CALU: variants seen among roughly 807,000 people sequenced by gnomAD.
CALU encodes IEF SSP 9302.
Under a neutral mutation model 37.5 loss-of-function variants are expected in CALU, and 13 were observed. The ratio of observed to expected loss-of-function variants is 0.35; its 90% CI spans 0.23 to 0.55. The LOEUF is 0.55. Among genes scored for constraint, CALU ranks in the 20% least tolerant of loss-of-function variants. CALU has a pLI of 0.89. For missense variants in CALU, 282 were observed against 391.7 expected (o/e 0.72, Z 2.36); for synonymous variants, 114 against 133.8 (o/e 0.85, Z 1.02).
In CALU at chr7:128,758,864, T is replaced by G. The variant is rs770185905; in HGVS notation, c.416-7T>G. On this transcript the variant is annotated splice_region_variant and splice_polypyrimidine_tract_variant and intron_variant, in intron 3 of 6. Coordinates refer to ENST00000249364, the MANE Select transcript of CALU (RefSeq NM_001219.5). The stretch of plus-strand genomic sequence containing the variant: ...TTTAAGATTTGACCTAAATTTTTGT[T>G]TTCTAGATGATCCAGATCCTGATGA... 4 of 1,601,180 alleles carry G rather than the reference T, an allele frequency of 2.5e-6. No homozygotes were observed. The highest frequency in any genetic ancestry group is 3.5e-5 in the Admixed American group (2 of 57,638).
intron 1 of CALU, among the ~76,000 whole-genome samples, chr7:128,741,688 A>G (rs910414079): frequency 4.6e-5 from 7 of 152,348 alleles, no homozygotes; most frequent in Admixed American, 1.3e-4. Flanking sequence ...TAAAATAACT[A>G]CCAAATTCTC....
At chr7:128,758,774 C>A in intron 3 of CALU, 97 bp from the exon 4 acceptor site, 3 of 845,044 alleles carry the variant, frequency 3.6e-6, no homozygotes, top group South Asian at 1.7e-5. Flanking sequence ...TTCTTCCTTG[C>A]ATGGTTTTAT....
chr7:128,754,796 G>A (rs768063197), intron 3 of CALU: 28 of 834,886 alleles, frequency 3.4e-5, no homozygotes, highest in Non-Finnish European at 5.0e-5. Flanking sequence ...CACAGTAAAG[G>A]AAAGGAAGCT....
At chr7:128,754,771 GAAAC>G in intron 3 of CALU, 1 of 1,162,810 alleles carries the variant, frequency 8.6e-7, no homozygotes, top group East Asian at 2.6e-5. Context: ...TTGAGTCAAA[GAAAC>G]AAATGGGTCA....
intron 3 of CALU, among the ~76,000 whole-genome samples, chr7:128,757,358 AGTGTGTGTGTGTGTGT>A (rs10638444): frequency 1.4e-5 from 2 of 146,092 alleles, no homozygotes; most frequent in Non-Finnish European, 3.0e-5. Flanking sequence ...TATGGCTTTG[AGTGTGTGTGTGTGTGT>A]GTGTGTGTGT....
At chr7:128,742,040 A>G (rs759540116) in intron 1 of CALU, among the ~76,000 whole-genome samples, 14 of 152,162 alleles carry the variant, frequency 9.2e-5, no homozygotes, top group Non-Finnish European at 1.9e-4. Flanking sequence ...CCATCACACA[A>G]TATAATTAGA....
intron 3 of CALU, among the ~76,000 whole-genome samples, chr7:128,755,587 G>A (rs3734977): frequency 0.28 from 42,216 of 152,048 alleles, 6,884 homozygotes; most frequent in Non-Finnish European, 0.38. Flanking sequence ...TGCTTTGCAA[G>A]TGCTTTAAGG....
chr7:128,759,961 C>T (rs1001832911), intron 5 of CALU, 109 bp downstream of exon 5: 5 of 667,420 alleles, frequency 7.5e-6, no homozygotes, highest in East Asian at 2.9e-5. Context: ...ACTGGGAGGC[C>T]GAGGCGGGCA....
intron 5 of CALU, among the ~76,000 whole-genome samples, chr7:128,766,548 C>CCTCT (rs1186473912): frequency 6.6e-6 from 1 of 151,266 alleles, no homozygotes; most frequent in Non-Finnish European, 1.5e-5. Context: ...TTTGCCTCAG[C>CCTCT]CTCTCGAGTA....
At chr7:128,749,116 T>C (rs1800561342) in intron 2 of CALU, among the ~76,000 whole-genome samples, 1 of 152,190 alleles carries the variant, frequency 6.6e-6, no homozygotes, top group Non-Finnish European at 1.5e-5. Context: ...ATTTCTCATC[T>C]CTTCTCATCT....
chr7:128,769,921 A>G lies in CALU; in HGVS notation c.*754A>G, dbSNP rs1254519447. On this transcript the variant is annotated 3_prime_UTR_variant, in exon 7 of 7. Transcript: ENST00000249364. The stretch of plus-strand genomic sequence containing the variant: ...GAATGTGATCTCTTTGCAGAGCTAT[A>G]GATAGAAACAGCTGGAAAACTAAAG... 1 of 152,264 alleles carries G rather than the reference A, an allele frequency of 6.6e-6. No individual in the cohort carries two copies. Among genetic ancestry groups the G allele is most frequent in the Non-Finnish European group, 1.5e-5 (1 of 68,050 alleles). 9.4% of individuals were successfully genotyped at this position (152,264 alleles called of 1,614,324 possible).
chr7:128,768,409 A>G (rs1004149626), intron 6 of CALU, among the ~76,000 whole-genome samples: 3 of 152,198 alleles, frequency 2.0e-5, no homozygotes, highest in African/African-American at 7.2e-5. Context: ...GCATGTAGTC[A>G]TCCCTATCTA....
intron 5 of CALU, among the ~76,000 whole-genome samples, chr7:128,760,705 G>A (rs946251828): frequency 5.3e-5 from 8 of 152,114 alleles, no homozygotes; most frequent in African/African-American, 9.7e-5. Context: ...TCAGGAGATC[G>A]AGACCATCCT....
rs1342451536 is a variant in CALU, at chr7:128,770,141, A to C, written c.*974A>C. 2 of 152,648 alleles carry C rather than the reference A, an allele frequency of 1.3e-5. No individual in the cohort carries two copies. Among genetic ancestry groups the C allele is most frequent in the African/African-American group, 4.8e-5 (2 of 41,456 alleles). The allele number at this position is 152,648 out of a possible 1,614,324, so 9.5% of individuals were successfully genotyped here. ...TCACTCCTTTCCAATCATGTCATTG[A>C]AAGTGCCTTTAACGAAAGAAATGGT... On this transcript the variant is annotated 3_prime_UTR_variant, in exon 7 of 7. Transcript: ENST00000249364.
chr7:128,742,790 C>T (rs1433174763), intron 1 of CALU, among the ~76,000 whole-genome samples: 1 of 152,164 alleles, frequency 6.6e-6, no homozygotes, highest in African/African-American at 2.4e-5. Context: ...TTAGGCTTTT[C>T]TCTTTATAAA....
At chr7:128,755,799 T>C (rs1257042503) in intron 3 of CALU, among the ~76,000 whole-genome samples, 1 of 152,202 alleles carries the variant, frequency 6.6e-6, no homozygotes, top group Non-Finnish European at 1.5e-5. Flanking sequence ...AAGAATTGTA[T>C]TAATATAAAT....
chr7:128,741,694 TTCTCAACAGTG>T (rs1208629502), intron 1 of CALU, among the ~76,000 whole-genome samples: 1 of 152,222 alleles, frequency 6.6e-6, no homozygotes, highest in Admixed American at 6.5e-5. Flanking sequence ...AACTACCAAA[TTCTCAACAGTG>T]TCACGCATGT....
intron 5 of CALU, among the ~76,000 whole-genome samples, chr7:128,766,910 G>A (rs977518980): frequency 6.6e-6 from 1 of 152,188 alleles, no homozygotes; most frequent in Non-Finnish European, 1.5e-5. Context: ...ATGGCCAGAG[G>A]TACATTCTTA....
At chr7:128,748,492 A>G in intron 1 of CALU, 81 bp from the exon 2 acceptor site, 1 of 1,222,084 alleles carries the variant, frequency 8.2e-7, no homozygotes. Flanking sequence ...TAATAGTTTA[A>G]CTCGGATGTG....
Sources: gnomAD v4.1 joint callset for allele counts (sites outside exome capture counted in the v4.1 genomes callset) on GRCh38, gnomAD v4.1.1 for gene constraint, MANE v1.5 for transcripts, NCBI Gene and HGNC (gene_info 2026-07-23, HGNC 2026-07-21) for gene names.